INVS: variants seen among roughly 807,000 people sequenced by gnomAD.
INVS encodes inversion of embryo turning homolog.
Under a neutral mutation model 108.8 loss-of-function variants are expected in INVS, and 86 were observed. The observed-to-expected ratio is 0.79, with a 90% CI of 0.66 to 0.95. The LOEUF is 0.95. Among genes scored for constraint, INVS ranks in the 40% least tolerant of loss-of-function variants. The probability of loss-of-function intolerance (pLI) is 0.00; values close to 1 mark genes in which losing one functional copy is unlikely to be tolerated. For synonymous variants in INVS, 455 were observed against 473.5 expected, an observed-to-expected ratio of 0.96 and a Z score of 0.51; for missense variants, 1,169 against 1,297.4, an observed-to-expected ratio of 0.90 and a Z score of 1.52.
chr9:100,276,571 C>T (rs369251139), intron 12 of INVS, among the ~76,000 whole-genome samples: 1 of 152,102 alleles, frequency 6.6e-6, no homozygotes, highest in Non-Finnish European at 1.5e-5. Flanking sequence ...TGCAGTGGCT[C>T]GATCTCAGCT....
chr9:100,271,278 T>A (rs1832946742), intron 11 of INVS, among the ~76,000 whole-genome samples: 1 of 152,252 alleles, frequency 6.6e-6, no homozygotes, highest in South Asian at 2.1e-4. Flanking sequence ...CTTTTTTCTT[T>A]GTCTTCATTT....
At chr9:100,247,098 C>T (rs1326216795) in intron 8 of INVS, among the ~76,000 whole-genome samples, 1 of 151,274 alleles carries the variant, frequency 6.6e-6, no homozygotes, top group Non-Finnish European at 1.5e-5. Flanking sequence ...AAAAAAAAAA[C>T]CTACACTTTA....
intron 7 of INVS, among the ~76,000 whole-genome samples, chr9:100,245,559 C>T (rs1440201178): frequency 1.3e-5 from 2 of 152,052 alleles, no homozygotes; most frequent in African/African-American, 4.8e-5. Flanking sequence ...GGATTACAGG[C>T]GTGAGCCACT....
intron 3 of INVS, among the ~76,000 whole-genome samples, chr9:100,164,630 C>G (rs1829300348): frequency 6.6e-6 from 1 of 151,900 alleles, no homozygotes; most frequent in South Asian, 2.1e-4. Flanking sequence ...ATATGTATTT[C>G]TAAGAGGAAA....
intron 2 of INVS, among the ~76,000 whole-genome samples, chr9:100,114,543 A>G (rs1564118493): frequency 6.6e-6 from 1 of 151,804 alleles, no homozygotes; most frequent in Non-Finnish European, 1.5e-5. Context: ...CTGGGACTAC[A>G]GGCATGTTCC....
At chr9:100,291,167 G>A (rs1450822122) in intron 13 of INVS, among the ~76,000 whole-genome samples, 1 of 151,796 alleles carries the variant, frequency 6.6e-6, no homozygotes, top group African/African-American at 2.4e-5. Context: ...GAGTTCAAGC[G>A]ATTCTCCTGC....
intron 3 of INVS, among the ~76,000 whole-genome samples, chr9:100,193,153 A>T (rs1186768167): frequency 6.6e-6 from 1 of 151,488 alleles, no homozygotes; most frequent in African/African-American, 2.4e-5. Flanking sequence ...AATTTTTAAA[A>T]TTTTTTTGTA....
intron 3 of INVS, among the ~76,000 whole-genome samples, chr9:100,173,900 G>A (rs774193535): frequency 6.6e-6 from 1 of 152,220 alleles, no homozygotes; most frequent in Non-Finnish European, 1.5e-5. Flanking sequence ...ACTCATCAGC[G>A]ATTTAGCTGC....
chr9:100,251,025 T>G (rs1832216353), intron 8 of INVS, among the ~76,000 whole-genome samples: 1 of 152,232 alleles, frequency 6.6e-6, no homozygotes, highest in South Asian at 2.1e-4. Context: ...GGTTCAGGTC[T>G]CAACTTAAAT....
In INVS at chr9:100,104,575, C is replaced by T. The variant is rs1827110903; in HGVS notation, c.54C>T (p.Val18=). ...CTGGTTCATCATTAGCATCACAAGTCCATGCTGCTGCCGTTAATGGAGATA... is the reference window on the plus strand; with the variant it reads ...CTGGTTCATCATTAGCATCACAAGTTCATGCTGCTGCCGTTAATGGAGATA... ...LFAGSSLASQ[V]HAAAVNGDKG... is the part of the protein sequence containing the mutation. Residue 18 remains valine, a synonymous_variant, in exon 2 of 17, where the codon GTC becomes GTT. Transcript: ENST00000262457. The T allele has an allele frequency of 6.2e-7, 1 of 1,614,006 alleles. No homozygotes were observed. The highest frequency in any genetic ancestry group is 1.3e-5 in the African/African-American group (1 of 74,888).
chr9:100,211,782 G>A (rs764979256), intron 3 of INVS, among the ~76,000 whole-genome samples: 2 of 152,148 alleles, frequency 1.3e-5, no homozygotes, highest in Non-Finnish European at 2.9e-5. Flanking sequence ...TCTGCCAGAT[G>A]GATGAACATC....
intron 3 of INVS, among the ~76,000 whole-genome samples, chr9:100,199,235 A>G (rs559625638): frequency 6.6e-6 from 1 of 152,182 alleles, no homozygotes; most frequent in South Asian, 2.1e-4. Context: ...TTTTTCTATT[A>G]TTACTTTCAA....
At chr9:100,226,021 A>G (rs907280207) in intron 3 of INVS, 41 bp from the exon 4 acceptor site, 12 of 1,465,314 alleles carry the variant, frequency 8.2e-6, no homozygotes, top group Non-Finnish European at 1.0e-5. Context: ...TTTTGACCCC[A>G]TAGTACATTT....
intron 10 of INVS, among the ~76,000 whole-genome samples, chr9:100,262,658 A>C (rs926711171): frequency 2.0e-5 from 3 of 150,476 alleles, no homozygotes; most frequent in East Asian, 1.9e-4. Context: ...AAAAAAAAAA[A>C]AAACTTGATA....
chr9:100,149,974 G>A (rs1369072096), intron 3 of INVS, among the ~76,000 whole-genome samples: 1 of 152,118 alleles, frequency 6.6e-6, no homozygotes, highest in African/African-American at 2.4e-5. Context: ...TCCTGATACT[G>A]CTGCACTGGG....
intron 3 of INVS, chr9:100,131,835 C>A: frequency 1.5e-6 from 1 of 652,220 alleles, no homozygotes; most frequent in Non-Finnish European, 1.9e-6. Context: ...AAATAATTCT[C>A]AGTTCATCTA....
intron 4 of INVS, among the ~76,000 whole-genome samples, chr9:100,226,877 G>T (rs1315950688): frequency 6.6e-6 from 1 of 151,040 alleles, no homozygotes; most frequent in African/African-American, 2.4e-5. Context: ...TTGACAGGGA[G>T]TCATAATAGT....
chr9:100,288,133 C>T (rs1588147534), intron 13 of INVS, among the ~76,000 whole-genome samples: 1 of 152,332 alleles, frequency 6.6e-6, no homozygotes, highest in South Asian at 2.1e-4. Context: ...GGCCCCTACT[C>T]TGAGGTAAAT....
intron 8 of INVS, among the ~76,000 whole-genome samples, chr9:100,251,036 G>T (rs1258408050): frequency 2.6e-5 from 4 of 152,090 alleles, no homozygotes; most frequent in Non-Finnish European, 5.9e-5. Context: ...CAACTTAAAT[G>T]TCAGCTCATA....
Sources: gnomAD v4.1 joint callset for allele counts (sites outside exome capture counted in the v4.1 genomes callset) on GRCh38, gnomAD v4.1.1 for gene constraint, MANE v1.5 for transcripts, NCBI Gene and HGNC (gene_info 2026-07-23, HGNC 2026-07-21) for gene names.